ARID1B: variants seen among roughly 807,000 people sequenced by gnomAD.
ARID1B encodes the protein AT-rich interaction domain 1B.
In ARID1B, 30 loss-of-function variants were observed where a neutral mutation model predicts 212.3. The ratio of observed to expected loss-of-function variants is 0.14; its 90% confidence interval spans 0.11 to 0.19. The LOEUF is 0.19. Among genes scored for constraint, ARID1B ranks in the 10% least tolerant of loss-of-function variants. The pLI, the probability that ARID1B is intolerant of heterozygous loss-of-function variation, is 1.00. For missense variants in ARID1B, 2,891 were observed against 3,204.0 expected (o/e 0.90, Z 2.36); for synonymous variants, 1,402 against 1,301.7 (o/e 1.08, Z -1.66).
intron 7 of ARID1B, among the ~76,000 whole-genome samples, chr6:157,145,093 C>T (rs903495884): frequency 6.6e-6 from 1 of 152,158 alleles, no homozygotes; most frequent in Non-Finnish European, 1.5e-5. Context: ...CCCAGTTCCT[C>T]AGATCTGTTG....
At chr6:156,892,615 C>T (rs888173537) in intron 2 of ARID1B, among the ~76,000 whole-genome samples, 1 of 152,156 alleles carries the variant, frequency 6.6e-6, no homozygotes, top group African/African-American at 2.4e-5. Flanking sequence ...CAATTACATA[C>T]GTCTAGGATA....
Position 156,977,800 on chromosome 6 carries a change from C to T in ARID1B, c.2247+42224C>T, listed in dbSNP as rs527533764. Among the ~76,000 whole-genome samples the T allele has an allele frequency of 7.2e-5, 11 of 152,232 alleles. No individual in the cohort carries two copies. In the South Asian group the frequency reaches 2.3e-3, roughly 32 times the overall value. On this transcript the variant is annotated intron_variant, in intron 4 of 19. Coordinates refer to ENST00000636930, the MANE Select transcript of ARID1B (RefSeq NM_001374828.1). ...GTATCTTTCTTTTTATTCCTATAAA[C>T]ATCCTTGAACTTTAGTCTGGGACCC...
intron 4 of ARID1B, among the ~76,000 whole-genome samples, chr6:157,057,865 A>G (rs765412257): frequency 2.0e-5 from 3 of 152,224 alleles, no homozygotes; most frequent in Non-Finnish European, 4.4e-5. Flanking sequence ...GATGATACCA[A>G]CAGCATACTC....
At chr6:157,119,359 G>A (rs1282535397) in intron 6 of ARID1B, among the ~76,000 whole-genome samples, 1 of 152,176 alleles carries the variant, frequency 6.6e-6, no homozygotes, top group Non-Finnish European at 1.5e-5. Flanking sequence ...CTGTGCCTTG[G>A]ATAAAGGTGC....
chr6:156,993,045 CTT>C (rs11372694), intron 4 of ARID1B, among the ~76,000 whole-genome samples: 16 of 135,192 alleles, frequency 1.2e-4, no homozygotes, highest in East Asian at 2.1e-4. Context: ...TATGCTTTCG[CTT>C]TTTTTTTTTT....
At position 157,206,079 on chromosome 6, in the gene ARID1B, G is replaced by A. The variant is rs1685629527; in HGVS notation, c.5395-88G>A. ...TGACAATGATGGAAAGGTATTGACG[G>A]GTCTCAGGATCTTTACCCTCCTCGG... On this transcript the variant is annotated intron_variant, in intron 19 of 19. Transcript: ENST00000636930. This position sits in a 1 kb window ranked among gnomAD's most constrained non-coding sequence, Gnocchi z 6.8. The A allele has an allele frequency of 7.3e-7, 1 of 1,376,830 alleles. No individual in the cohort carries two copies. Among genetic ancestry groups the A allele is most frequent in the Non-Finnish European group, 1.0e-6 (1 of 1,000,364 alleles). The allele number at this position is 1,376,830 out of a possible 1,614,324, so 85.3% of individuals were successfully genotyped here.
chr6:157,181,632 A>G (rs1451186772), intron 12 of ARID1B, among the ~76,000 whole-genome samples: 2 of 152,220 alleles, frequency 1.3e-5, no homozygotes. Context: ...CATGCCCACA[A>G]TAACTGGACA....
At chr6:156,909,436 T>C (rs1789693989) in intron 3 of ARID1B, among the ~76,000 whole-genome samples, 1 of 152,192 alleles carries the variant, frequency 6.6e-6, no homozygotes, top group African/African-American at 2.4e-5. Flanking sequence ...GGGCGTTTCT[T>C]ATATAACAGC....
chr6:157,073,959 A>T lies in ARID1B; in HGVS notation c.2248-10703A>T, dbSNP rs187188904. Among the ~76,000 whole-genome samples the T allele has an allele frequency of 1.5e-4, 23 of 152,272 alleles. No individual in the cohort carries two copies. In the East Asian group the frequency reaches 4.4e-3, roughly 29 times the overall value. ...GTGGAGTGGAGGCCGGTAGGGTTTGACTGTGGCTCAGGCCTTTGCCCAAGT... is the reference window on the plus strand; with the variant it reads ...GTGGAGTGGAGGCCGGTAGGGTTTGTCTGTGGCTCAGGCCTTTGCCCAAGT... On this transcript the variant is annotated intron_variant, in intron 4 of 19. Coordinates refer to ENST00000636930, the MANE Select transcript of ARID1B (RefSeq NM_001374828.1).
intron 4 of ARID1B, chr6:156,937,475 A>G (rs767792962): frequency 2.0e-5 from 3 of 152,232 alleles, no homozygotes; most frequent in Admixed American, 6.5e-5. Flanking sequence ...CTGCATAGCT[A>G]TAAAAATAGT....
intron 4 of ARID1B, among the ~76,000 whole-genome samples, chr6:157,014,778 C>G (rs1206008816): frequency 6.6e-6 from 1 of 151,820 alleles, no homozygotes; most frequent in African/African-American, 2.4e-5. Flanking sequence ...AGATTGGCAT[C>G]TAGAGCCATT....
intron 7 of ARID1B, among the ~76,000 whole-genome samples, chr6:157,138,785 T>C (rs1789125890): frequency 6.6e-6 from 1 of 152,248 alleles, no homozygotes. Flanking sequence ...CTTAACCTTG[T>C]TTTTTGGTTA....
Position 157,209,489 on chromosome 6 carries a change from A to T in ARID1B, c.*1598A>T, listed in dbSNP as rs989213283. 30 of 232,938 alleles carry T rather than the reference A, an allele frequency of 1.3e-4. No homozygotes were observed. Among genetic ancestry groups the T allele is most frequent in the Middle Eastern group, 1.3e-3 (1 of 784 alleles). 14.4% of individuals were successfully genotyped at this position (232,938 alleles called of 1,614,324 possible). A position where few individuals can be genotyped will look rare whatever the true frequency, so the allele number is the denominator to read the frequency against. On this transcript the variant is annotated 3_prime_UTR_variant, in exon 20 of 20. Transcript: ENST00000636930. The stretch of plus-strand genomic sequence containing the variant: ...CTTTGAAGCAATTAACTCTAACGAC[A>T]TTGAGGTATGATCATTTTCAGTATT...
intron 5 of ARID1B, among the ~76,000 whole-genome samples, chr6:157,108,215 A>T (rs1786630657): frequency 6.6e-6 from 1 of 152,246 alleles, no homozygotes; most frequent in East Asian, 1.9e-4. Flanking sequence ...ATTGCTTTAA[A>T]GAGACATCTG....
At chr6:157,051,337 C>T (rs758942945) in intron 4 of ARID1B, among the ~76,000 whole-genome samples, 75 of 152,024 alleles carry the variant, frequency 4.9e-4, no homozygotes, top group Non-Finnish European at 5.9e-4. Context: ...ACTAAAACAG[C>T]AGATAGAAAT....
intron 2 of ARID1B, among the ~76,000 whole-genome samples, chr6:156,890,959 AAG>A (rs1458693054): frequency 2.6e-5 from 4 of 152,182 alleles, no homozygotes; most frequent in African/African-American, 2.4e-5. Context: ...TAAAATAAGA[AAG>A]AGGGGAGGAA....
At chr6:157,095,587 A>G (rs940605039) in intron 5 of ARID1B, among the ~76,000 whole-genome samples, 2 of 152,240 alleles carry the variant, frequency 1.3e-5, no homozygotes, top group Non-Finnish European at 2.9e-5. Flanking sequence ...AGGAGCACAT[A>G]CATTTCTCAC....
chr6:157,181,268 T>A lies in ARID1B; in HGVS notation c.3714+90T>A. The stretch of plus-strand genomic sequence containing the variant: ...CTTTGAATGTGTGGACTCATTTTTT[T>A]TCTCACAAAGGAAAAGCTAAGCCTG... On this transcript the variant is annotated intron_variant, in intron 12 of 19. Coordinates refer to ENST00000636930, the MANE Select transcript of ARID1B (RefSeq NM_001374828.1). 1.4e-6 allele frequency: 2 copies of A among 1,472,510 alleles called. 1 individual carries two copies. The highest frequency in any genetic ancestry group is 1.9e-6 in the Non-Finnish European group (2 of 1,080,706). The allele number at this position is 1,472,510 out of a possible 1,614,324, so 91.2% of individuals were successfully genotyped here.
chr6:156,781,975 CTTTTTTTTTTT>C (rs57443841), intron 1 of ARID1B, among the ~76,000 whole-genome samples: 9 of 39,226 alleles, frequency 2.3e-4, no homozygotes, highest in Admixed American at 4.4e-4. Flanking sequence ...TGGGAATAGG[CTTTTTTTTTTT>C]TTTTTTTTTT....
Sources: allele counts gnomAD v4.1 joint callset (sites outside exome capture counted in the v4.1 genomes callset), GRCh38; gene constraint gnomAD v4.1.1; non-coding constraint Gnocchi (gnomAD v3.1); transcripts MANE v1.5; gene names NCBI Gene and HGNC (gene_info 2026-07-23, HGNC 2026-07-21).